The following LIN7A variants were observed in gnomAD, a reference collection of about 807,000 sequenced individuals.
The protein encoded by LIN7A is protein lin-7 homolog A.
LIN7A carries 25 observed loss-of-function variants against 29.8 expected under a neutral mutation model. That is an observed-to-expected ratio of 0.84 (90% CI 0.61 to 1.17). The LOEUF (loss-of-function observed/expected upper bound fraction) is 1.17, where lower values mean the gene tolerates loss of function less well. Among genes scored for constraint, LIN7A ranks in the 50% most tolerant of loss-of-function variants. LIN7A has a pLI of 0.00. For missense variants in LIN7A, 239 were observed against 287.0 expected, an observed-to-expected ratio of 0.83 and a Z score of 1.21; for synonymous variants, 118 against 107.5, an observed-to-expected ratio of 1.10 and a Z score of -0.60.
intron 1 of LIN7A, among the ~76,000 whole-genome samples, chr12:80,904,590 T>C (rs752154651): frequency 1.3e-5 from 2 of 152,180 alleles, no homozygotes; most frequent in Non-Finnish European, 2.9e-5. Flanking sequence ...AGATCCATCA[T>C]GTTGTTGCAG....
chr12:80,917,696 A>G (rs1210822493), intron 1 of LIN7A, among the ~76,000 whole-genome samples: 2 of 152,112 alleles, frequency 1.3e-5, no homozygotes, highest in Non-Finnish European at 2.9e-5. Flanking sequence ...CTTTCACAAT[A>G]CATACTTTTA....
intron 2 of LIN7A, among the ~76,000 whole-genome samples, chr12:80,887,086 ATTCAATTG>A (rs1481561812): frequency 6.6e-6 from 1 of 152,104 alleles, no homozygotes; most frequent in Non-Finnish European, 1.5e-5. Flanking sequence ...AACATCATTC[ATTCAATTG>A]TTCAAGCCCA....
chr12:80,869,373 T>C (rs1044293601), intron 2 of LIN7A, among the ~76,000 whole-genome samples: 12 of 152,082 alleles, frequency 7.9e-5, no homozygotes, highest in Non-Finnish European at 1.5e-5. Context: ...TGTGGACCCA[T>C]GAACATGTTC....
At chr12:80,853,937 G>A (rs1421488722) in intron 2 of LIN7A, among the ~76,000 whole-genome samples, 3 of 151,994 alleles carry the variant, frequency 2.0e-5, no homozygotes, top group Non-Finnish European at 2.9e-5. Context: ...CAAGTGATCC[G>A]ACGGCCTCGG....
At chr12:80,890,131 A>G (rs1875547608) in intron 1 of LIN7A, among the ~76,000 whole-genome samples, 1 of 152,168 alleles carries the variant, frequency 6.6e-6, no homozygotes, top group Non-Finnish European at 1.5e-5. Flanking sequence ...ACAATATCAA[A>G]GGTTAATGTA....
At chr12:80,861,718 C>A (rs1356361242) in intron 2 of LIN7A, among the ~76,000 whole-genome samples, 1 of 152,236 alleles carries the variant, frequency 6.6e-6, no homozygotes, top group Non-Finnish European at 1.5e-5. Context: ...TGCTCATAAC[C>A]TGCAGACAAT....
intron 1 of LIN7A, among the ~76,000 whole-genome samples, chr12:80,892,541 T>A (rs1875678609): frequency 1.3e-5 from 2 of 152,278 alleles, no homozygotes; most frequent in Middle Eastern, 3.4e-3. Flanking sequence ...ATCCTGAATA[T>A]TTTTAGTAGT....
intron 4 of LIN7A, among the ~76,000 whole-genome samples, chr12:80,828,907 A>T (rs1265908806): frequency 2.0e-5 from 3 of 152,160 alleles, no homozygotes; most frequent in Non-Finnish European, 4.4e-5. Flanking sequence ...GAGGGGCTGG[A>T]ACGGATTGAG....
intron 1 of LIN7A, among the ~76,000 whole-genome samples, chr12:80,935,383 A>T (rs1347689132): frequency 6.6e-6 from 1 of 152,150 alleles, no homozygotes; most frequent in Non-Finnish European, 1.5e-5. Context: ...ACTCTAATTA[A>T]TTGAATTATA....
intron 1 of LIN7A, among the ~76,000 whole-genome samples, chr12:80,889,782 T>C (rs1277377276): frequency 6.6e-6 from 1 of 152,164 alleles, no homozygotes; most frequent in African/African-American, 2.4e-5. Flanking sequence ...TGTATTACTA[T>C]GATTAATGGA....
At chr12:80,887,383 G>A (rs969688520) in intron 2 of LIN7A, among the ~76,000 whole-genome samples, 3 of 151,990 alleles carry the variant, frequency 2.0e-5, no homozygotes, top group African/African-American at 7.2e-5. Flanking sequence ...AATAAAATCA[G>A]GTCAGAACTC....
At chr12:80,816,707 C>T (rs1016205483) in intron 4 of LIN7A, among the ~76,000 whole-genome samples, 5 of 152,176 alleles carry the variant, frequency 3.3e-5, no homozygotes, top group African/African-American at 4.8e-5. Context: ...AGGCAGCTTT[C>T]AAGTTAGTTA....
intron 4 of LIN7A, among the ~76,000 whole-genome samples, chr12:80,813,329 T>TA (rs1871385013): frequency 6.6e-6 from 1 of 152,166 alleles, no homozygotes; most frequent in Non-Finnish European, 1.5e-5. Flanking sequence ...ATTTTTAACT[T>TA]AAAAATGATA....
At chr12:80,902,097 A>G (rs1010872143) in intron 1 of LIN7A, among the ~76,000 whole-genome samples, 11 of 152,164 alleles carry the variant, frequency 7.2e-5, no homozygotes, top group African/African-American at 2.2e-4. Flanking sequence ...ACCCAGGACC[A>G]TTTATTGAAG....
intron 4 of LIN7A, among the ~76,000 whole-genome samples, chr12:80,812,249 ACTCAAT>A (rs1455001011): frequency 2.0e-5 from 3 of 150,388 alleles, no homozygotes; most frequent in African/African-American, 7.4e-5. Flanking sequence ...AATAATGGAG[ACTCAAT>A]CTCATACACT....
intron 2 of LIN7A, among the ~76,000 whole-genome samples, chr12:80,866,877 A>C (rs1384728602): frequency 6.6e-6 from 1 of 152,162 alleles, no homozygotes; most frequent in Non-Finnish European, 1.5e-5. Flanking sequence ...CCATCCTCCA[A>C]AGGCTGCCGT....
intron 5 of LIN7A, among the ~76,000 whole-genome samples, chr12:80,808,130 C>T (rs1411242957): frequency 6.6e-6 from 1 of 152,172 alleles, no homozygotes; most frequent in Admixed American, 6.5e-5. Context: ...CTTTCTGTTC[C>T]TCAAACATGC....
chr12:80,852,003 T>C (rs1873358222), intron 2 of LIN7A, among the ~76,000 whole-genome samples: 1 of 152,176 alleles, frequency 6.6e-6, no homozygotes, highest in Non-Finnish European at 1.5e-5. Context: ...CATTTATTCA[T>C]TTGTTCAGCT....
intron 4 of LIN7A, among the ~76,000 whole-genome samples, chr12:80,826,481 T>A (rs959942083): frequency 2.0e-5 from 3 of 152,182 alleles, no homozygotes; most frequent in African/African-American, 7.2e-5. Flanking sequence ...TGCCTGGATT[T>A]CCTCTCTTGT....
Sources: allele counts gnomAD v4.1 joint callset (sites outside exome capture counted in the v4.1 genomes callset), GRCh38; gene constraint gnomAD v4.1.1; transcripts MANE v1.5; gene names NCBI Gene and HGNC (gene_info 2026-07-23, HGNC 2026-07-21).